ANKFY1: variants seen among roughly 807,000 people sequenced by gnomAD.
ANKFY1 encodes ankyrin repeat and FYVE domain-containing protein 1.
Under a neutral mutation model 128.3 loss-of-function variants are expected in ANKFY1, and 47 were observed. The ratio of observed to expected loss-of-function variants is 0.37; its 90% CI spans 0.29 to 0.47. ANKFY1 has a LOEUF of 0.47. Among genes scored for constraint, ANKFY1 ranks in the 20% least tolerant of loss-of-function variants. The pLI is 1.00. For missense variants in ANKFY1, 1,222 were observed against 1,510.6 expected (o/e 0.81, Z 3.17); for synonymous variants, 553 against 601.6 (o/e 0.92, Z 1.18).
chr17:4,240,639 G>A lies in ANKFY1; in HGVS notation c.203+1617C>T, dbSNP rs148562285. 1.2e-3 allele frequency among the ~76,000 whole-genome samples: 177 copies of A among 152,260 alleles called. 1 individual carries two copies. The highest frequency in any genetic ancestry group is 4.0e-3 in the African/African-American group (166 of 41,554). The stretch of plus-strand genomic sequence containing the variant: ...ACTCCTGACCTCAGGTGATCCATCT[G>A]CCTCGGCCTCCCAAACTGCTGGGAT... On this transcript the variant is annotated intron_variant, in intron 2 of 24. Coordinates refer to ENST00000341657, the MANE Select transcript of ANKFY1 (RefSeq NM_001330063.2).
intron 3 of ANKFY1, among the ~76,000 whole-genome samples, chr17:4,224,229 T>G (rs1377412519): frequency 2.9e-5 from 4 of 136,626 alleles, no homozygotes; most frequent in Non-Finnish European, 6.3e-5. Flanking sequence ...TTTTTTTTTT[T>G]TTTTTTTTTT....
intron 18 of ANKFY1, among the ~76,000 whole-genome samples, chr17:4,177,578 G>A (rs1256483791): frequency 6.6e-6 from 1 of 152,214 alleles, no homozygotes; most frequent in Admixed American, 6.5e-5. Context: ...GGAACTGGAT[G>A]TGGAAAACCA....
chr17:4,221,759 A>G (rs2060317453), intron 3 of ANKFY1, among the ~76,000 whole-genome samples: 2 of 152,110 alleles, frequency 1.3e-5, no homozygotes, highest in African/African-American at 4.8e-5. Flanking sequence ...CTGAGACTAC[A>G]GGAGTGCGTC....
chr17:4,216,431 T>G (rs976806495), intron 4 of ANKFY1: 1 of 163,926 alleles, frequency 6.1e-6, no homozygotes, highest in African/African-American at 2.4e-5. Flanking sequence ...TGTTCTAAAA[T>G]GCCAACTTGG....
chr17:4,235,383 A>G (rs1373611616), intron 3 of ANKFY1, among the ~76,000 whole-genome samples: 1 of 151,706 alleles, frequency 6.6e-6, no homozygotes, highest in African/African-American at 2.4e-5. Context: ...GGCATCTAGC[A>G]TGAAGTTTTA....
At chr17:4,201,280 C>A (rs2059922997) in intron 7 of ANKFY1, among the ~76,000 whole-genome samples, 1 of 152,332 alleles carries the variant, frequency 6.6e-6, no homozygotes, top group South Asian at 2.1e-4. Context: ...GATCCTCCCA[C>A]CTTGGCCACC....
chr17:4,195,662 G>A (rs765386335), intron 8 of ANKFY1, among the ~76,000 whole-genome samples, 191 bp from the exon 9 acceptor site: 34 of 152,022 alleles, frequency 2.2e-4, no homozygotes, highest in Non-Finnish European at 3.4e-4. Flanking sequence ...ATTATTCAGC[G>A]GCCAAAATGG....
chr17:4,172,597 G>A lies in ANKFY1; in HGVS notation c.3098C>T (p.Pro1033Leu). ...AIFDLFLECM[P>L]GYPLDKPDAD... ...ATCCGGCTTGTCCAGAGGATACCCC[G>A]GCATGCATTCTAGGAAGAGATCAAA... The change falls in exon 22 of 25, where the codon CCG becomes CTG. Residue 1033 changes from proline to leucine, a missense_variant. Transcript: ENST00000341657. The A allele has an allele frequency of 5.0e-6, 8 of 1,613,986 alleles. No homozygotes were observed. The highest frequency in any genetic ancestry group is 6.8e-6 in the Non-Finnish European group (8 of 1,179,950).
chr17:4,244,090 C>A (rs1967403050), intron 1 of ANKFY1, among the ~76,000 whole-genome samples: 1 of 152,116 alleles, frequency 6.6e-6, no homozygotes, highest in Non-Finnish European at 1.5e-5. Flanking sequence ...ACCACCACGC[C>A]CAGCTAATTT....
chr17:4,228,816 G>C (rs2060468041), intron 3 of ANKFY1, among the ~76,000 whole-genome samples: 1 of 152,142 alleles, frequency 6.6e-6, no homozygotes, highest in Admixed American at 6.6e-5. Flanking sequence ...GCAGTTTACT[G>C]TACTTCCATT....
intron 3 of ANKFY1, among the ~76,000 whole-genome samples, chr17:4,232,099 GT>G (rs2060523250): frequency 6.6e-6 from 1 of 152,074 alleles, no homozygotes; most frequent in South Asian, 2.1e-4. Context: ...ACCACTCAAT[GT>G]TTTTTATATG....
rs2059360417 is a variant in ANKFY1, at chr17:4,173,505, C to A, written c.2924-61G>T. On this transcript the variant is annotated intron_variant, in intron 20 of 24. Coordinates refer to ENST00000341657, the MANE Select transcript of ANKFY1 (RefSeq NM_001330063.2). ...AGCACATGCAGAAAAACCTCCACTC[C>A]TCCTCACCCTCACAGACCTCTCTGT... The A allele has an allele frequency of 2.7e-6, 4 of 1,469,514 alleles. No individual in the cohort carries two copies. In the Admixed American group the frequency reaches 5.1e-5, roughly 19 times the overall value. 91.0% of individuals were successfully genotyped at this position (1,469,514 alleles called of 1,614,324 possible).
At chr17:4,217,439 A>C (rs2060239801) in intron 3 of ANKFY1, among the ~76,000 whole-genome samples, 1 of 151,994 alleles carries the variant, frequency 6.6e-6, no homozygotes, top group South Asian at 2.1e-4. Context: ...AATCCCAGCT[A>C]CTCGGGCTGA....
rs1407165639 is a variant in ANKFY1 at position 4,168,000 on chromosome 17, C to T, written c.3378-89G>A. 2.8e-6 allele frequency: 4 copies of T among 1,439,440 alleles called. No individual in the cohort carries two copies. The highest frequency in any genetic ancestry group is 2.2e-5 in the Admixed American group (1 of 46,440). 89.2% of individuals were successfully genotyped at this position (1,439,440 alleles called of 1,614,324 possible). A position where few individuals can be genotyped will look rare whatever the true frequency, so the allele number is the denominator to read the frequency against. ...TGAGGACAACCGCAGCAGGGCCTGG[C>T]AGCCAAGGCGCCCGCAATGCTACTC... On this transcript the variant is annotated intron_variant, in intron 24 of 24. Coordinates refer to ENST00000341657, the MANE Select transcript of ANKFY1 (RefSeq NM_001330063.2). This position sits in a 1 kb window ranked among gnomAD's most constrained non-coding sequence, Gnocchi z 4.1.
At chr17:4,222,525 T>G (rs2060343999) in intron 3 of ANKFY1, 1 of 1,067,940 alleles carries the variant, frequency 9.4e-7, no homozygotes, top group Admixed American at 1.7e-5. Context: ...TTCTACGCAC[T>G]TTATCAGTAT....
Position 4,221,687 on chromosome 17 carries a change from C to T in ANKFY1, c.323-4569G>A, listed in dbSNP as rs559000522. On this transcript the variant is annotated intron_variant, in intron 3 of 24. Coordinates refer to ENST00000341657, the MANE Select transcript of ANKFY1 (RefSeq NM_001330063.2). ...AGGCTGCAGTGCAGTGGCACATTCT[C>T]GGCTCACTGCAACCTCCATCTCCCA... Among the ~76,000 whole-genome samples, 11 of 152,256 alleles carry T rather than the reference C, an allele frequency of 7.2e-5. No homozygotes were observed. In the South Asian group the frequency reaches 8.3e-4, roughly 11 times the overall value.
intron 2 of ANKFY1, among the ~76,000 whole-genome samples, chr17:4,241,269 CTTCTTCTTTTT>C (rs1293454036): frequency 0.07 from 309 of 4,430 alleles, no homozygotes; most frequent in Admixed American, 0.11. Context: ...TCTTCTTCTT[CTTCTTCTTTTT>C]TTTTTTTTTT....
intron 5 of ANKFY1, 48 bp downstream of exon 5, chr17:4,209,776 C>T: frequency 1.3e-6 from 2 of 1,561,958 alleles, no homozygotes; most frequent in South Asian, 2.3e-5. Flanking sequence ...GCGGCGGTCT[C>T]CTGACTGCCA....
chr17:4,203,137 C>A (rs1365994894), intron 7 of ANKFY1, among the ~76,000 whole-genome samples: 4 of 151,982 alleles, frequency 2.6e-5, no homozygotes, highest in Admixed American at 2.6e-4. Flanking sequence ...AGGGAGGGAA[C>A]AGAAAATGTC....
Sources: gnomAD v4.1 joint callset for allele counts (sites outside exome capture counted in the v4.1 genomes callset) on GRCh38, gnomAD v4.1.1 for gene constraint, Gnocchi (gnomAD v3.1) non-coding constraint, MANE v1.5 for transcripts, NCBI Gene and HGNC (gene_info 2026-07-23, HGNC 2026-07-21) for gene names.